Variants in KYAT3 observed in about 807,000 individuals in gnomAD.
KYAT3 encodes the protein kynurenine aminotransferase 3.
Under a neutral mutation model 59.0 loss-of-function variants are expected in KYAT3, and 50 were observed. The observed-to-expected ratio is 0.85, with a 90% confidence interval of 0.68 to 1.07. The LOEUF (loss-of-function observed/expected upper bound fraction) is 1.07, where lower values mean the gene tolerates loss of function less well. KYAT3 is among the 50% of genes least tolerant of loss of function. The probability of loss-of-function intolerance (pLI) is 0.00; values close to 1 mark genes in which losing one functional copy is unlikely to be tolerated. For missense variants in KYAT3, 497 were observed against 533.3 expected, an observed-to-expected ratio of 0.93 and a Z score of 0.67; for synonymous variants, 148 against 177.0, an observed-to-expected ratio of 0.84 and a Z score of 1.30.
the KYAT3 span, among the ~76,000 whole-genome samples, chr1:88,925,339 C>T: frequency 2.6e-5 from 4 of 152,210 alleles, no homozygotes; most frequent in East Asian, 1.9e-4. Flanking sequence ...GTCCCGACCA[C>T]GACTTTCTTG....
chr1:88,977,410 C>T (rs1178030515), intron 2 of KYAT3, among the ~76,000 whole-genome samples: 2 of 152,196 alleles, frequency 1.3e-5, no homozygotes, highest in Non-Finnish European at 2.9e-5. Context: ...CCATGTTGGC[C>T]AGGCTGGTCT....
At chr1:88,982,949 C>T (rs776740328) in intron 2 of KYAT3, 44 of 1,613,816 alleles carry the variant, frequency 2.7e-5, no homozygotes, top group Non-Finnish European at 3.6e-5. Context: ...AAGTGGAGCA[C>T]TACGTGAGTT....
chr1:88,937,297 C>G (rs1464702596), intron 13 of KYAT3, among the ~76,000 whole-genome samples: 1 of 152,108 alleles, frequency 6.6e-6, no homozygotes, highest in African/African-American at 2.4e-5. Context: ...TGTAGTGTAG[C>G]AGCCTGGCAC....
intron 1 of KYAT3, among the ~76,000 whole-genome samples, chr1:88,991,160 T>G (rs1474242838): frequency 6.6e-6 from 1 of 152,220 alleles, no homozygotes; most frequent in African/African-American, 2.4e-5. Flanking sequence ...AAAGTATGCT[T>G]GGCAGATTTG....
At position 88,964,422 on chromosome 1, in the gene KYAT3, T is replaced by C. The variant is rs562263128; in HGVS notation, c.453+407A>G. 3 of 156,260 alleles carry C rather than the reference T, an allele frequency of 1.9e-5. No homozygotes were observed. In the East Asian group the frequency reaches 5.6e-4, roughly 29 times the overall value. 9.7% of individuals were successfully genotyped at this position (156,260 alleles called of 1,614,324 possible). A position where few individuals can be genotyped will look rare whatever the true frequency, so the allele number is the denominator to read the frequency against. ...TAAGAATAAATTATATGCAACAAAA[T>C]GGATGAATCTCACAGACACAAAAAT... On this transcript the variant is annotated intron_variant, in intron 5 of 13. Coordinates refer to ENST00000260508, the MANE Select transcript of KYAT3 (RefSeq NM_001008661.3).
At chr1:88,955,488 CA>C (rs1329242372) in intron 8 of KYAT3, among the ~76,000 whole-genome samples, 1 of 152,034 alleles carries the variant, frequency 6.6e-6, no homozygotes, top group South Asian at 2.1e-4. Flanking sequence ...GCAGGAGTGT[CA>C]GGGGCACCAG....
intron 2 of KYAT3, among the ~76,000 whole-genome samples, chr1:88,987,374 GA>G (rs1677525839): frequency 6.6e-6 from 1 of 152,136 alleles, no homozygotes; most frequent in Non-Finnish European, 1.5e-5. Flanking sequence ...AGACAGTTAT[GA>G]GGTAGAATTC....
At chr1:88,942,653 C>T (rs1228046342) in intron 13 of KYAT3, among the ~76,000 whole-genome samples, 3 of 152,084 alleles carry the variant, frequency 2.0e-5, no homozygotes, top group Middle Eastern at 3.4e-3. Context: ...AGCTCTTCCT[C>T]GCGGGTTCAC....
chr1:88,957,210 C>G (rs990673508), intron 8 of KYAT3, among the ~76,000 whole-genome samples: 1 of 151,850 alleles, frequency 6.6e-6, no homozygotes, highest in Non-Finnish European at 1.5e-5. Context: ...ATGACAAAAC[C>G]CAAAAAGATA....
chr1:88,966,613 C>CT (rs986877010), intron 4 of KYAT3, among the ~76,000 whole-genome samples: 8 of 151,802 alleles, frequency 5.3e-5, no homozygotes, highest in African/African-American at 1.4e-4. Flanking sequence ...TTGTAGTAGG[C>CT]TTTTTTTTCT....
intron 2 of KYAT3, chr1:88,979,842 T>C (rs562700901): frequency 6.6e-6 from 1 of 152,344 alleles, no homozygotes; most frequent in South Asian, 2.1e-4. Flanking sequence ...AAGGAAAACC[T>C]ATGTCTACAC....
intron 2 of KYAT3, among the ~76,000 whole-genome samples, chr1:88,986,172 A>G (rs973396606): frequency 2.1e-5 from 3 of 139,650 alleles, no homozygotes; most frequent in African/African-American, 7.5e-5. Context: ...CAAGAGTGAG[A>G]GACTGTATGA....
In KYAT3 at chr1:88,943,495, C is replaced by G. The variant is rs1001077296; in HGVS notation, c.1142-72G>C. On this transcript the variant is annotated intron_variant, in intron 11 of 13. Transcript: ENST00000260508. ...CAACATGTATTTCATTTAAGTCTAT[C>G]AAGATTCAACATTTTCTCCTATTTA... The G allele has an allele frequency of 6.3e-6, 5 of 792,238 alleles. No individual in the cohort carries two copies. The African/African-American group carries it at 7.0e-5, about 11-fold the overall frequency. The allele number at this position is 792,238 out of a possible 1,614,324, so 49.1% of individuals were successfully genotyped here. A position where few individuals can be genotyped will look rare whatever the true frequency, so the allele number is the denominator to read the frequency against.
chr1:88,983,514 G>A (rs1440653736), intron 2 of KYAT3: 3 of 1,614,104 alleles, frequency 1.9e-6, no homozygotes, highest in South Asian at 1.1e-5. Flanking sequence ...CCTCTTGGAG[G>A]ACCTCTACTT....
intron 11 of KYAT3, among the ~76,000 whole-genome samples, chr1:88,945,933 C>G (rs1675422851): frequency 6.6e-6 from 1 of 152,136 alleles, no homozygotes; most frequent in Non-Finnish European, 1.5e-5. Context: ...AAAAGCTTTC[C>G]TAACCAAAAT....
At position 88,982,967 on chromosome 1, in the gene KYAT3, C is replaced by T. The variant is rs150116733; in HGVS notation, c.99+5285G>A. On this transcript the variant is annotated intron_variant, in intron 2 of 13. Transcript: ENST00000260508. ...TGGAGCACTACGTGAGTTACCATAA[C>T]TCTCATATGAATCTCTGTAGGAACC... 23 of 1,613,796 alleles carry T rather than the reference C, an allele frequency of 1.4e-5. No individual in the cohort carries two copies. The highest frequency in any genetic ancestry group is 1.8e-5 in the Non-Finnish European group (21 of 1,179,942).
chr1:88,956,947 C>T (rs1675945314), intron 8 of KYAT3, among the ~76,000 whole-genome samples: 1 of 151,596 alleles, frequency 6.6e-6, no homozygotes, highest in African/African-American at 2.4e-5. Flanking sequence ...CAAGTGGGGG[C>T]TCTTGTATTG....
At chr1:88,942,891 C>G (rs1184015593) in intron 13 of KYAT3, 114 bp downstream of exon 13, 1 of 836,570 alleles carries the variant, frequency 1.2e-6, no homozygotes, top group Non-Finnish European at 1.9e-6. Flanking sequence ...AGCCGTAAGC[C>G]AAAATTTAAA....
intron 10 of KYAT3, among the ~76,000 whole-genome samples, chr1:88,952,233 A>G (rs1675702939): frequency 6.6e-6 from 1 of 152,208 alleles, no homozygotes; most frequent in Non-Finnish European, 1.5e-5. Context: ...TATGTAATCA[A>G]TCGTCTGTAG....
Sources: allele counts gnomAD v4.1 joint callset (sites outside exome capture counted in the v4.1 genomes callset), GRCh38; gene constraint gnomAD v4.1.1; transcripts MANE v1.5; gene names NCBI Gene and HGNC (gene_info 2026-07-23, HGNC 2026-07-21).